HDAC9: variants seen among roughly 807,000 people sequenced by gnomAD.
HDAC9 encodes the protein MEF-2 interacting transcription repressor (MITR) protein.
Under a neutral mutation model 139.4 loss-of-function variants are expected in HDAC9, and 41 were observed. That is an observed-to-expected ratio of 0.29 (90% CI 0.23 to 0.38). The LOEUF (loss-of-function observed/expected upper bound fraction) is 0.38. Among genes scored for constraint, HDAC9 ranks in the 10% least tolerant of loss-of-function variants. The pLI, the probability that HDAC9 is intolerant of heterozygous loss-of-function variation, is 1.00. For missense variants in HDAC9, 1,147 were observed against 1,297.0 expected, an observed-to-expected ratio of 0.88 and a Z score of 1.78; for synonymous variants, 517 against 476.2, an observed-to-expected ratio of 1.09 and a Z score of -1.12.
chr7:18,653,631 A>G (rs1790091822), intron 11 of HDAC9, among the ~76,000 whole-genome samples: 2 of 152,172 alleles, frequency 1.3e-5, no homozygotes, highest in African/African-American at 4.8e-5. Flanking sequence ...ATAAAAATAT[A>G]TCTAAGACAA....
intron 16 of HDAC9, among the ~76,000 whole-genome samples, chr7:18,786,585 GCTTCCTTCCTTC>G (rs34314311): frequency 1.5e-4 from 8 of 53,284 alleles, no homozygotes; most frequent in African/African-American, 5.0e-4. Flanking sequence ...TGGCTGGCTG[GCTTCCTTCCTTC>G]CTTCCTTCCT....
At chr7:18,901,150 C>A (rs1261215400) in intron 22 of HDAC9, among the ~76,000 whole-genome samples, 1 of 150,580 alleles carries the variant, frequency 6.6e-6, no homozygotes, top group Admixed American at 6.7e-5. Flanking sequence ...ATTCCCAAGG[C>A]TCCAATACTG....
chr7:18,886,033 CAAAA>C (rs1800121865), intron 22 of HDAC9, among the ~76,000 whole-genome samples: 1 of 151,974 alleles, frequency 6.6e-6, no homozygotes, highest in African/African-American at 2.4e-5. Context: ...TAACAGCTAA[CAAAA>C]AAAGCAACAT....
chr7:18,579,839 A>G (rs887636790), intron 2 of HDAC9, among the ~76,000 whole-genome samples: 1 of 151,394 alleles, frequency 6.6e-6, no homozygotes, highest in Non-Finnish European at 1.5e-5. Context: ...ATTATTTTGA[A>G]CTCTACTGCT....
intron 16 of HDAC9, among the ~76,000 whole-genome samples, chr7:18,776,262 A>C (rs953597086): frequency 1.8e-4 from 28 of 152,006 alleles, no homozygotes; most frequent in Non-Finnish European, 1.2e-4. Context: ...TCCAAGAGCT[A>C]GGAAGCGCAG....
In HDAC9 at chr7:18,613,473, A is replaced by G. The variant is rs190210989; in HGVS notation, c.665-15877A>G. The stretch of plus-strand genomic sequence containing the variant: ...AGTCTGGTTCTAAGAGATTTTTCTC[A>G]ACTACCCCTAATGTAAGCGTCTTCT... On this transcript the variant is annotated intron_variant, in intron 6 of 25. Coordinates refer to ENST00000686413, the MANE Select transcript of HDAC9 (RefSeq NM_178425.4). 1.8e-3 allele frequency among the ~76,000 whole-genome samples: 278 copies of G among 152,200 alleles called. 3 individuals are homozygous for G. The highest frequency in any genetic ancestry group is 6.3e-3 in the African/African-American group (262 of 41,528).
chr7:18,708,637 G>A (rs1399370950), intron 12 of HDAC9, among the ~76,000 whole-genome samples: 1 of 152,196 alleles, frequency 6.6e-6, no homozygotes, highest in Non-Finnish European at 1.5e-5. Flanking sequence ...AGGTCTACAA[G>A]TCCCAGTATT....
At chr7:18,965,433 C>A (rs548486777) in intron 24 of HDAC9, among the ~76,000 whole-genome samples, 1 of 152,170 alleles carries the variant, frequency 6.6e-6, no homozygotes. Flanking sequence ...GTTTTCCTTA[C>A]GTCTGTTACA....
chr7:18,995,577 T>C (rs1786398219), intron 25 of HDAC9, among the ~76,000 whole-genome samples: 1 of 152,186 alleles, frequency 6.6e-6, no homozygotes, highest in African/African-American at 2.4e-5. Flanking sequence ...AGGCAGCCAA[T>C]CCAGTTATGA....
intron 22 of HDAC9, among the ~76,000 whole-genome samples, chr7:18,877,293 C>T (rs1799391515): frequency 6.6e-6 from 1 of 152,096 alleles, no homozygotes; most frequent in South Asian, 2.1e-4. Flanking sequence ...GCTTTCTAAC[C>T]ACCTGGCAGA....
intron 16 of HDAC9, among the ~76,000 whole-genome samples, chr7:18,782,908 C>T (rs1009234083): frequency 1.3e-5 from 2 of 151,992 alleles, no homozygotes; most frequent in Non-Finnish European, 2.9e-5. Flanking sequence ...TGCTGGTTTA[C>T]GAGGTCTCTA....
At chr7:18,656,779 T>G (rs1396151262) in intron 11 of HDAC9, among the ~76,000 whole-genome samples, 1 of 152,166 alleles carries the variant, frequency 6.6e-6, no homozygotes, top group Non-Finnish European at 1.5e-5. Flanking sequence ...TATACTGATT[T>G]CCTTTCTTTT....
intron 1 of HDAC9, among the ~76,000 whole-genome samples, chr7:18,147,351 G>T (rs540649161): frequency 2.6e-5 from 4 of 152,202 alleles, no homozygotes; most frequent in Non-Finnish European, 4.4e-5. Flanking sequence ...CATTTGGAAG[G>T]TTACAAAAAT....
chr7:18,211,281 A>C (rs1284705805), intron 2 of HDAC9, among the ~76,000 whole-genome samples: 1 of 152,204 alleles, frequency 6.6e-6, no homozygotes, highest in South Asian at 2.1e-4. Context: ...TAGTTTCAAC[A>C]TGACAAATCT....
Position 18,726,709 on chromosome 7 carries a change from T to C in HDAC9, c.1732-871T>C, listed in dbSNP as rs185711867. 1.5e-3 allele frequency among the ~76,000 whole-genome samples: 220 copies of C among 150,080 alleles called. 3 individuals are homozygous for C. Among genetic ancestry groups the C allele is most frequent in the Middle Eastern group, 0.011 (3 of 282 alleles). On this transcript the variant is annotated intron_variant, in intron 12 of 25. Coordinates refer to ENST00000686413, the MANE Select transcript of HDAC9 (RefSeq NM_178425.4). ...TATTTTTATTAATAAATAAATAAAT[T>C]CTTTATTAATAAATAAAATTTTGAA...
At chr7:18,254,073 A>G (rs1795088847) in intron 2 of HDAC9, among the ~76,000 whole-genome samples, 1 of 152,250 alleles carries the variant, frequency 6.6e-6, no homozygotes, top group Non-Finnish European at 1.5e-5. Context: ...GACTTTCAAT[A>G]TACATCAAAA....
At chr7:18,706,335 T>C (rs985376536) in intron 12 of HDAC9, among the ~76,000 whole-genome samples, 3 of 152,048 alleles carry the variant, frequency 2.0e-5, no homozygotes, top group Non-Finnish European at 4.4e-5. Context: ...ACTTCGTTGA[T>C]TTTTTTCAAT....
intron 2 of HDAC9, among the ~76,000 whole-genome samples, chr7:18,238,194 T>C (rs1793951844): frequency 1.3e-5 from 2 of 152,194 alleles, no homozygotes; most frequent in South Asian, 4.1e-4. Context: ...AGCATACCAA[T>C]AGTAGTGTGA....
intron 2 of HDAC9, among the ~76,000 whole-genome samples, chr7:18,171,284 C>T (rs1252047172): frequency 6.6e-6 from 1 of 152,060 alleles, no homozygotes; most frequent in Non-Finnish European, 1.5e-5. Context: ...GTGATTTTTG[C>T]CCATTGATTT....
Sources: gnomAD v4.1 joint callset for allele counts (sites outside exome capture counted in the v4.1 genomes callset) on GRCh38, gnomAD v4.1.1 for gene constraint, MANE v1.5 for transcripts, NCBI Gene and HGNC (gene_info 2026-07-23, HGNC 2026-07-21) for gene names.